The following ENTPD5 variants were observed in gnomAD, a reference collection of about 807,000 sequenced individuals.
ENTPD5 encodes the protein ectonucleoside triphosphate diphosphohydrolase 5 (inactive).
ENTPD5 carries 49 observed loss-of-function variants against 60.2 expected under a neutral mutation model. The ratio of observed to expected loss-of-function variants is 0.81; its 90% CI spans 0.65 to 1.03. The LOEUF (loss-of-function observed/expected upper bound fraction) is 1.03. Among genes scored for constraint, ENTPD5 ranks in the 50% least tolerant of loss-of-function variants. ENTPD5 has a pLI of 0.00. For synonymous variants in ENTPD5, 187 were observed against 185.4 expected, an observed-to-expected ratio of 1.01 and a Z score of -0.07; for missense variants, 480 against 507.6, an observed-to-expected ratio of 0.95 and a Z score of 0.52.
At position 73,963,235 on chromosome 14, in the gene ENTPD5, T is replaced by C. The variant is rs546332923; in HGVS notation, c.*3693A>G. 4 of 574,896 alleles carry C rather than the reference T, an allele frequency of 7.0e-6. No individual in the cohort carries two copies. The highest frequency in any genetic ancestry group is 2.5e-5 in the South Asian group (1 of 39,824). 35.6% of individuals were successfully genotyped at this position (574,896 alleles called of 1,614,324 possible). A position where few individuals can be genotyped will look rare whatever the true frequency, so the allele number is the denominator to read the frequency against. Reference sequence around the variant, plus strand: ...CTTCGAAGGAAGACTTACAATTTGGTTGAAAAGAGCTTTTTATTACTAAAA... The same window carrying C: ...CTTCGAAGGAAGACTTACAATTTGGCTGAAAAGAGCTTTTTATTACTAAAA... On this transcript the variant is annotated 3_prime_UTR_variant, in exon 16 of 16. Transcript: ENST00000334696.
At chr14:73,955,934 GC>G (rs756306718), downstream of ENTPD5, 5 of 1,613,882 alleles carry the variant, frequency 3.1e-6, no homozygotes, top group Admixed American at 6.7e-5. Context: ...GTCTGGTGAG[GC>G]CCCCATCTTC....
chr14:73,971,407 T>C (rs943904330), intron 14 of ENTPD5, among the ~76,000 whole-genome samples: 4 of 152,240 alleles, frequency 2.6e-5, no homozygotes, highest in Non-Finnish European at 4.4e-5. Flanking sequence ...TCCGCCCACC[T>C]TGGCCTCCCA....
intron 3 of ENTPD5, among the ~76,000 whole-genome samples, chr14:74,001,950 G>A (rs529531335): frequency 4.1e-4 from 62 of 152,142 alleles, no homozygotes; most frequent in African/African-American, 1.5e-3. Context: ...TAGAAGAAGA[G>A]GGTTAGCATT....
intron 15 of ENTPD5, among the ~76,000 whole-genome samples, chr14:73,967,795 G>C (rs1315879388): frequency 1.3e-5 from 1 of 74,914 alleles, no homozygotes; most frequent in Non-Finnish European, 2.8e-5. Context: ...GCAAGACCCT[G>C]TCTCAAAAAA....
intron 1 of ENTPD5, chr14:74,018,593 A>G (rs2059138577): frequency 2.0e-5 from 3 of 152,206 alleles, no homozygotes; most frequent in Non-Finnish European, 4.4e-5. Flanking sequence ...AGAGCTTCCA[A>G]CTTTATGCAA....
At chr14:73,992,774 G>A (rs552506575) in intron 3 of ENTPD5, among the ~76,000 whole-genome samples, 12 of 152,078 alleles carry the variant, frequency 7.9e-5, no homozygotes, top group South Asian at 4.2e-4. Context: ...AGGCCGAGGC[G>A]GGCGGATCAC....
chr14:73,962,712 G>C (rs1174404270), downstream of ENTPD5: 3 of 499,542 alleles, frequency 6.0e-6, no homozygotes, highest in African/African-American at 1.9e-5. Flanking sequence ...CACTTTATAG[G>C]AGGCTGGGGA....
rs149278753 is a variant in ENTPD5, at chr14:73,997,927, C to T, written c.-70-9755G>A. On this transcript the variant is annotated intron_variant, in intron 3 of 15. Coordinates refer to ENST00000334696, the MANE Select transcript of ENTPD5 (RefSeq NM_001249.5). ...AAGGAGTACCCCCTTTCCCAGTGTT[C>T]CACTACGGCCTAGGTATTACATGTC... Among the ~76,000 whole-genome samples the T allele has an allele frequency of 1.1e-3, 170 of 152,238 alleles. 2 individuals carry two copies. The highest frequency in any genetic ancestry group is 4.0e-3 in the African/African-American group (165 of 41,520).
chr14:73,969,984 T>G, intron 15 of ENTPD5, 26 bp downstream of exon 15: 26 of 1,508,592 alleles, frequency 1.7e-5, no homozygotes, highest in Non-Finnish European at 2.2e-5. Flanking sequence ...AGGGCTGTTA[T>G]GAGACTCTGG....
At chr14:74,003,608 G>A (rs1306746506) in intron 3 of ENTPD5, 17 of 527,014 alleles carry the variant, frequency 3.2e-5, no homozygotes, top group Admixed American at 1.6e-4. Context: ...GAACTTCACC[G>A]CCCTCTGATC....
At chr14:73,968,264 G>C (rs1321437048) in intron 15 of ENTPD5, among the ~76,000 whole-genome samples, 1 of 152,140 alleles carries the variant, frequency 6.6e-6, no homozygotes, top group African/African-American at 2.4e-5. Context: ...GATTAGATTA[G>C]TGTTTATCGG....
chr14:73,972,964 TG>T lies in ENTPD5; in HGVS notation c.946del (p.His316ThrfsTer26), dbSNP rs1328208134. 1.2e-6 allele frequency: 2 copies of T among 1,614,160 alleles called. No homozygotes were observed. Among genetic ancestry groups the T allele is most frequent in the Non-Finnish European group, 8.5e-7 (1 of 1,180,028 alleles). ...EVLRVVRGKLHQPEEVQRGSF... is the reference protein window; with the variant it reads ...EVLRVVRGKLXQPEEVQRGSF... ...ACCTCTCTGGACCTCCTCTGGCTGG[TG>T]AAGTTTTCCTCGTACCACCCTCAGC... On this transcript the variant is annotated frameshift_variant, in exon 13 of 16. Coordinates refer to ENST00000334696, the MANE Select transcript of ENTPD5 (RefSeq NM_001249.5). LOFTEE classifies it high-confidence loss of function.
intron 6 of ENTPD5, among the ~76,000 whole-genome samples, chr14:73,979,466 T>TA (rs941513384): frequency 3.4e-4 from 50 of 147,000 alleles, no homozygotes; most frequent in Non-Finnish European, 3.3e-4. Flanking sequence ...CAGTACATAG[T>TA]AAGCACTTTT....
intron 14 of ENTPD5, 74 bp from the exon 15 acceptor site, chr14:73,970,199 A>G (rs2057161665): frequency 8.8e-7 from 1 of 1,136,514 alleles, no homozygotes; most frequent in African/African-American, 1.5e-5. Context: ...CTTAGAAAGA[A>G]GTGGAATAGG....
chr14:73,955,711 T>A, downstream of ENTPD5: 11 of 1,582,136 alleles, frequency 7.0e-6, no homozygotes, highest in South Asian at 1.1e-5. Flanking sequence ...AAATTGTGAT[T>A]TTCTGCTCTG....
In ENTPD5 at chr14:73,977,380, G is replaced by C; in HGVS notation, c.442-6C>G. 7.4e-6 allele frequency: 8 copies of C among 1,083,470 alleles called. No individual in the cohort carries two copies. Among genetic ancestry groups the C allele is most frequent in the East Asian group, 2.8e-5 (1 of 35,820 alleles). The allele number at this position is 1,083,470 out of a possible 1,614,324, so 67.1% of individuals were successfully genotyped here. Reference sequence around the variant, plus strand: ...TTCCTGAAGATCTCCTTTACCTAGAGAAAAAGGAAAAAAAAAAAAAAAGAA... The same window carrying C: ...TTCCTGAAGATCTCCTTTACCTAGACAAAAAGGAAAAAAAAAAAAAAAGAA... On this transcript the variant is annotated splice_region_variant and splice_polypyrimidine_tract_variant and intron_variant, in intron 6 of 15. Coordinates refer to ENST00000334696, the MANE Select transcript of ENTPD5 (RefSeq NM_001249.5).
chr14:73,999,888 G>A (rs2140771091), intron 3 of ENTPD5, among the ~76,000 whole-genome samples: 1 of 151,836 alleles, frequency 6.6e-6, no homozygotes, highest in Middle Eastern at 3.4e-3. Flanking sequence ...AGGAGTTCCA[G>A]ACCAGCCTGA....
At chr14:74,001,567 C>T (rs2058507986) in intron 3 of ENTPD5, among the ~76,000 whole-genome samples, 1 of 147,868 alleles carries the variant, frequency 6.8e-6, no homozygotes, top group African/African-American at 2.5e-5. Flanking sequence ...ACTCGGGAGG[C>T]TGAGGCAGGA....
Position 73,989,426 on chromosome 14 carries a change from G to A in ENTPD5, c.-70-1254C>T, listed in dbSNP as rs542683352. ...AAAATACAAAAATTAGGCCGGGCGC[G>A]GTGGCTCATGCCTGTAATCCCAGTA... On this transcript the variant is annotated intron_variant, in intron 3 of 15. Coordinates refer to ENST00000334696, the MANE Select transcript of ENTPD5 (RefSeq NM_001249.5). 6.2e-5 allele frequency among the ~76,000 whole-genome samples: 9 copies of A among 144,604 alleles called. No individual in the cohort carries two copies. The South Asian group carries it at 9.2e-4, about 15-fold the overall frequency. 94.9% of individuals were successfully genotyped at this position (144,604 alleles called of 152,430 possible).
Sources: gnomAD v4.1 joint callset for allele counts (sites outside exome capture counted in the v4.1 genomes callset) on GRCh38, gnomAD v4.1.1 for gene constraint, MANE v1.5 for transcripts, NCBI Gene and HGNC (gene_info 2026-07-23, HGNC 2026-07-21) for gene names.